The following CCDC125 variants were observed in gnomAD, a reference collection of about 807,000 sequenced individuals.
CCDC125 encodes the protein coiled-coil domain containing 125, also known as coiled-coil domain-containing protein 125.
Under a neutral mutation model 57.4 loss-of-function variants are expected in CCDC125, and 43 were observed. That is an observed-to-expected ratio of 0.75 (90% CI 0.59 to 0.97). The LOEUF is 0.97. Among genes scored for constraint, CCDC125 ranks in the 50% least tolerant of loss-of-function variants. The pLI, the probability that CCDC125 is intolerant of heterozygous loss-of-function variation, is 0.00. For synonymous variants in CCDC125, 187 were observed against 195.2 expected, an observed-to-expected ratio of 0.96 and a Z score of 0.35; for missense variants, 563 against 595.7, an observed-to-expected ratio of 0.95 and a Z score of 0.57.
intron 2 of CCDC125, among the ~76,000 whole-genome samples, chr5:69,314,462 C>A (rs1400343209): frequency 4.3e-4 from 62 of 142,826 alleles, no homozygotes; most frequent in African/African-American, 4.2e-4. Flanking sequence ...AACTCTGTTT[C>A]AAAAAAAAAA....
rs180820379 is a variant in CCDC125 at position 69,323,012 on chromosome 5, A to G, written c.-40-2432T>C. On this transcript the variant is annotated intron_variant, in intron 1 of 11. Transcript: ENST00000396496. ...CTACAGAGCAACATTCTATCTCAAA[A>G]AATTTTTTGTTCGGCCTGGCGCGGT... 7.1e-4 allele frequency among the ~76,000 whole-genome samples: 108 copies of G among 151,864 alleles called. 1 individual carries two copies. The highest frequency in any genetic ancestry group is 6.8e-4 in the Non-Finnish European group (46 of 67,970).
intron 10 of CCDC125, among the ~76,000 whole-genome samples, chr5:69,287,557 G>A (rs1043220088): frequency 2.0e-5 from 3 of 151,542 alleles, no homozygotes; most frequent in African/African-American, 4.8e-5. Flanking sequence ...CACTGCACCC[G>A]GCCATCAGTT....
chr5:69,321,777 G>C (rs113909252), intron 1 of CCDC125, among the ~76,000 whole-genome samples: 1 of 152,164 alleles, frequency 6.6e-6, no homozygotes, highest in Non-Finnish European at 1.5e-5. Flanking sequence ...GAATATCCTA[G>C]CAATGCACTC....
chr5:69,315,617 GC>G (rs1336461909), intron 2 of CCDC125, among the ~76,000 whole-genome samples: 4 of 151,464 alleles, frequency 2.6e-5, no homozygotes, highest in African/African-American at 9.7e-5. Context: ...AATTAGCCGG[GC>G]ATGGTGGCGG....
At chr5:69,314,632 G>A (rs576303656) in intron 2 of CCDC125, among the ~76,000 whole-genome samples, 14 of 152,084 alleles carry the variant, frequency 9.2e-5, no homozygotes, top group East Asian at 3.9e-4. Flanking sequence ...ACAGACCTCC[G>A]TCTCTACAAA....
chr5:69,311,903 TTTTG>T (rs1181237546), intron 3 of CCDC125, among the ~76,000 whole-genome samples: 1 of 151,960 alleles, frequency 6.6e-6, no homozygotes, highest in Non-Finnish European at 1.5e-5. Flanking sequence ...CCCAGCTAAT[TTTTG>T]TATTTTTAGT....
In CCDC125 at chr5:69,280,334, A is replaced by T. The variant is rs1718738380; in HGVS notation, c.*2395T>A. 6.6e-6 allele frequency: 1 copy of T among 152,232 alleles called. No individual in the cohort carries two copies. Among genetic ancestry groups the T allele is most frequent in the African/African-American group, 2.4e-5 (1 of 41,466 alleles). The allele number at this position is 152,232 out of a possible 1,614,324, so 9.4% of individuals were successfully genotyped here. A position where few individuals can be genotyped will look rare whatever the true frequency, so the allele number is the denominator to read the frequency against. ...GATCCTTTGCACATGATAATAATAAAAAACACACCTCTAGGTGGAAATTTA... is the reference window on the plus strand; with the variant it reads ...GATCCTTTGCACATGATAATAATAATAAACACACCTCTAGGTGGAAATTTA... On this transcript the variant is annotated 3_prime_UTR_variant, in exon 12 of 12. Coordinates refer to ENST00000396496, the MANE Select transcript of CCDC125 (RefSeq NM_176816.5).
At chr5:69,275,870 G>A (rs1209543266), downstream of CCDC125, among the ~76,000 whole-genome samples, 1 of 152,044 alleles carries the variant, frequency 6.6e-6, no homozygotes, top group Non-Finnish European at 1.5e-5. Context: ...TGAAACATAA[G>A]TTTCATTTTT....
In CCDC125 at chr5:69,282,561, A is replaced by T; in HGVS notation, c.*168T>A. 1.7e-6 allele frequency: 1 copy of T among 603,214 alleles called. No homozygotes were observed. 37.4% of individuals were successfully genotyped at this position (603,214 alleles called of 1,614,324 possible). The stretch of plus-strand genomic sequence containing the variant: ...GGGTGACAGAGCAAGACTCCATCTC[A>T]AAAGAAGAAAAAGAAAATGTAGAAA... On this transcript the variant is annotated 3_prime_UTR_variant, in exon 12 of 12. Coordinates refer to ENST00000396496, the MANE Select transcript of CCDC125 (RefSeq NM_176816.5).
At chr5:69,291,284 T>A (rs560237635) in intron 10 of CCDC125, among the ~76,000 whole-genome samples, 1 of 152,242 alleles carries the variant, frequency 6.6e-6, no homozygotes, top group African/African-American at 2.4e-5. Context: ...ACTTTGTTCA[T>A]ACTGGAAGAT....
At chr5:69,325,791 T>A (rs1481070532) in intron 1 of CCDC125, among the ~76,000 whole-genome samples, 1 of 118,446 alleles carries the variant, frequency 8.4e-6, no homozygotes, top group Non-Finnish European at 1.6e-5. Context: ...GTCACTGCAC[T>A]CCAACCTGGG....
At chr5:69,326,949 C>T (rs753399474) in intron 1 of CCDC125, among the ~76,000 whole-genome samples, 22 of 152,036 alleles carry the variant, frequency 1.4e-4, no homozygotes, top group Non-Finnish European at 3.1e-4. Flanking sequence ...CCAAGCTACA[C>T]GGGAGCCTGA....
At position 69,282,561 on chromosome 5, in the gene CCDC125, A is replaced by G. The variant is rs1752583522; in HGVS notation, c.*168T>C. 1.2e-5 allele frequency: 7 copies of G among 603,096 alleles called. No individual in the cohort carries two copies. The South Asian group carries it at 1.5e-4, about 13-fold the overall frequency. 37.4% of individuals were successfully genotyped at this position (603,096 alleles called of 1,614,324 possible). On this transcript the variant is annotated 3_prime_UTR_variant, in exon 12 of 12. Coordinates refer to ENST00000396496, the MANE Select transcript of CCDC125 (RefSeq NM_176816.5). Reference sequence around the variant, plus strand: ...GGGTGACAGAGCAAGACTCCATCTCAAAAGAAGAAAAAGAAAATGTAGAAA... The same window carrying G: ...GGGTGACAGAGCAAGACTCCATCTCGAAAGAAGAAAAAGAAAATGTAGAAA...
At chr5:69,329,127 A>G (rs963003290) in intron 1 of CCDC125, among the ~76,000 whole-genome samples, 2 of 151,802 alleles carry the variant, frequency 1.3e-5, no homozygotes, top group African/African-American at 4.8e-5. Context: ...TTGAACCAAC[A>G]TATCAATATA....
intron 10 of CCDC125, among the ~76,000 whole-genome samples, chr5:69,290,755 A>T (rs1015493655): frequency 6.8e-6 from 1 of 146,818 alleles, no homozygotes; most frequent in Non-Finnish European, 1.5e-5. Context: ...TCAGCCTCCC[A>T]AGTAGCTGGG....
At chr5:69,293,547 G>C (rs904757021) in intron 9 of CCDC125, among the ~76,000 whole-genome samples, 5 of 151,246 alleles carry the variant, frequency 3.3e-5, no homozygotes, top group African/African-American at 1.2e-4. Context: ...CTACTCAGGA[G>C]CCTGAGGCAG....
chr5:69,311,254 T>C, intron 3 of CCDC125, 50 bp from the exon 4 acceptor site: 1 of 1,131,466 alleles, frequency 8.8e-7, no homozygotes, highest in East Asian at 2.4e-5. Context: ...TATGCAACCC[T>C]AAAATTATCA....
downstream of CCDC125, among the ~76,000 whole-genome samples, chr5:69,276,296 T>C (rs1752130849): frequency 6.6e-6 from 1 of 152,218 alleles, no homozygotes; most frequent in South Asian, 2.1e-4. Context: ...CCCAAGGTGC[T>C]GGGATTACAG....
In CCDC125 at chr5:69,282,705, G is replaced by A. The variant is rs972945937; in HGVS notation, c.*24C>T. ...AGTATCTCGATATAAACAACTCTCA[G>A]TTCCAATTTCAACTGGCTTGTCTTT... On this transcript the variant is annotated 3_prime_UTR_variant, in exon 12 of 12. Coordinates refer to ENST00000396496, the MANE Select transcript of CCDC125 (RefSeq NM_176816.5). 5.2e-6 allele frequency: 8 copies of A among 1,535,536 alleles called. No homozygotes were observed. The highest frequency in any genetic ancestry group is 6.1e-6 in the Non-Finnish European group (7 of 1,141,828).
Sources: allele counts gnomAD v4.1 joint callset (sites outside exome capture counted in the v4.1 genomes callset), GRCh38; gene constraint gnomAD v4.1.1; transcripts MANE v1.5; gene names NCBI Gene and HGNC (gene_info 2026-07-23, HGNC 2026-07-21).